The following CHD9 variants were observed in gnomAD, a reference collection of about 807,000 sequenced individuals.
CHD9 encodes the protein ATP-dependent chromatin remodeler CHD9.
Under a neutral mutation model 316.1 loss-of-function variants are expected in CHD9, and 77 were observed. The observed-to-expected ratio is 0.24, with a 90% CI of 0.20 to 0.29. The LOEUF (loss-of-function observed/expected upper bound fraction) is 0.29, where lower values mean the gene tolerates loss of function less well. Ranked by LOEUF, CHD9 falls within the 10% of genes least tolerant of loss-of-function variation. CHD9 has a pLI of 1.00. For missense variants in CHD9, 2,763 were observed against 3,438.1 expected, an observed-to-expected ratio of 0.80 and a Z score of 4.91; for synonymous variants, 1,129 against 1,158.3, an observed-to-expected ratio of 0.97 and a Z score of 0.51.
At chr16:53,094,009 T>C (rs1346115603) in intron 1 of CHD9, among the ~76,000 whole-genome samples, 1 of 152,166 alleles carries the variant, frequency 6.6e-6, no homozygotes, top group African/African-American at 2.4e-5. Context: ...GTGTCAGCCT[T>C]GGGGGCCTGG....
chr16:53,279,933 C>T (rs1466945028), intron 24 of CHD9, among the ~76,000 whole-genome samples: 4 of 152,114 alleles, frequency 2.6e-5, no homozygotes, highest in African/African-American at 7.2e-5. Flanking sequence ...TGCCCAATAT[C>T]GCTAATGATC....
At chr16:53,222,152 C>G (rs1429115736) in intron 3 of CHD9, among the ~76,000 whole-genome samples, 2 of 152,120 alleles carry the variant, frequency 1.3e-5, no homozygotes, top group East Asian at 1.9e-4. Flanking sequence ...TCTTGGCTCA[C>G]TGCAACCTCC....
chr16:53,091,002 C>CT (rs2035888020), intron 1 of CHD9, among the ~76,000 whole-genome samples: 1 of 77,100 alleles, frequency 1.3e-5, no homozygotes, highest in Non-Finnish European at 3.7e-5. Flanking sequence ...GAACAGCTCA[C>CT]CCCCCCCCGA....
Position 53,204,023 on chromosome 16 carries a change from CAAAAAA to C in CHD9, c.1453-5438_1453-5433del, listed in dbSNP as rs530552464. Reference sequence around the variant, plus strand: ...TGGGCGACAGAGCAAGACTCCATCTCAAAAAAAAAAAAAAAAAAAAAAAAAATATAT... The same window carrying C: ...TGGGCGACAGAGCAAGACTCCATCTCAAAAAAAAAAAAAAAAAAAATATAT... On this transcript the variant is annotated intron_variant, in intron 2 of 38. Transcript: ENST00000447540. Among the ~76,000 whole-genome samples the C allele has an allele frequency of 2.9e-3, 140 of 48,314 alleles. 4 individuals carry two copies. Among genetic ancestry groups the C allele is most frequent in the African/African-American group, 0.011 (133 of 11,634 alleles). The allele number at this position is 48,314 out of a possible 152,430, so 31.7% of individuals were successfully genotyped here. A position where few individuals can be genotyped will look rare whatever the true frequency, so the allele number is the denominator to read the frequency against.
intron 1 of CHD9, among the ~76,000 whole-genome samples, chr16:53,154,528 C>T (rs1479849156): frequency 2.6e-5 from 4 of 152,036 alleles, no homozygotes; most frequent in African/African-American, 9.7e-5. Context: ...CACCAGGGAC[C>T]GGTTTCGTGG....
chr16:53,063,400 AC>A (rs1369139336), intron 1 of CHD9, among the ~76,000 whole-genome samples: 1 of 150,190 alleles, frequency 6.7e-6, no homozygotes, highest in South Asian at 2.1e-4. Context: ...ACACACACAC[AC>A]AAAATGTGAA....
chr16:53,286,791 G>A (rs1171035889), intron 26 of CHD9, among the ~76,000 whole-genome samples: 5 of 152,054 alleles, frequency 3.3e-5, no homozygotes, highest in East Asian at 3.8e-4. Context: ...CATAGGATTT[G>A]CATTTAACCT....
At chr16:53,201,854 TTTG>T (rs1555507393) in intron 2 of CHD9, among the ~76,000 whole-genome samples, 12 of 151,656 alleles carry the variant, frequency 7.9e-5, no homozygotes, top group African/African-American at 9.7e-5. Flanking sequence ...GGTTTTTTTT[TTTG>T]TTGTTGTTGT....
chr16:53,225,326 T>C (rs1434770004), intron 4 of CHD9, among the ~76,000 whole-genome samples: 1 of 152,152 alleles, frequency 6.6e-6, no homozygotes, highest in Non-Finnish European at 1.5e-5. Flanking sequence ...TTGCCAAATA[T>C]TGAGCAATTG....
Position 53,242,829 on chromosome 16 carries a change from A to G in CHD9, c.2878-11A>G. On this transcript the variant is annotated splice_polypyrimidine_tract_variant and intron_variant, in intron 12 of 38. Transcript: ENST00000447540. ...ATATTCCAGCAAATAATTATATTTG[A>G]TCATTTCTAGGGGCGTATCATTCGA... The G allele has an allele frequency of 1.9e-6, 3 of 1,592,886 alleles. No homozygotes were observed. Among genetic ancestry groups the G allele is most frequent in the Non-Finnish European group, 2.6e-6 (3 of 1,171,202 alleles).
At chr16:53,266,381 G>C (rs1222583111) in intron 20 of CHD9, among the ~76,000 whole-genome samples, 1 of 152,052 alleles carries the variant, frequency 6.6e-6, no homozygotes, top group East Asian at 1.9e-4. Context: ...CCTACCATTT[G>C]TCCTCTCCTG....
intron 2 of CHD9, among the ~76,000 whole-genome samples, chr16:53,173,083 G>T (rs1328244155): frequency 6.6e-6 from 1 of 152,110 alleles, no homozygotes. Flanking sequence ...CCCAAGGTCA[G>T]TGAAGATTTT....
intron 12 of CHD9, 83 bp from the exon 13 acceptor site, chr16:53,242,755 CAG>C (rs1341010770): frequency 1.2e-5 from 14 of 1,185,758 alleles, no homozygotes; most frequent in Non-Finnish European, 1.7e-5. Flanking sequence ...TGTTTTATAA[CAG>C]ATGTTATCTG....
rs577563060 is a variant in CHD9, at chr16:53,318,613, C to T, written c.7713+273C>T. On this transcript the variant is annotated intron_variant, in intron 37 of 38. Transcript: ENST00000447540. ...ATTGTACACTTATACAAGGGCACGA[C>T]ATCAAAAACAGTCATTCTCATCGGG... Among the ~76,000 whole-genome samples, 5 of 152,318 alleles carry T rather than the reference C, an allele frequency of 3.3e-5. No individual in the cohort carries two copies. The South Asian group carries it at 8.3e-4, about 25-fold the overall frequency.
chr16:53,120,272 C>G (rs888468586), intron 1 of CHD9, among the ~76,000 whole-genome samples: 3 of 152,080 alleles, frequency 2.0e-5, no homozygotes, highest in Admixed American at 2.0e-4. Context: ...AAAAATTGCA[C>G]TAGGATGGGT....
intron 17 of CHD9, among the ~76,000 whole-genome samples, chr16:53,251,592 A>C (rs1374116079): frequency 1.3e-5 from 2 of 152,188 alleles, no homozygotes; most frequent in African/African-American, 4.8e-5. Context: ...AGTGCCCCCT[A>C]TATATTTTAA....
At chr16:53,109,211 GC>G (rs57238272) in intron 1 of CHD9, among the ~76,000 whole-genome samples, 4,685 of 152,254 alleles carry the variant, frequency 0.031, 250 homozygotes, top group African/African-American at 0.11. Context: ...GTGCATGGGG[GC>G]ACAGGAAAAA....
chr16:53,066,546 G>A (rs1406966111), intron 1 of CHD9, among the ~76,000 whole-genome samples: 1 of 152,210 alleles, frequency 6.6e-6, no homozygotes, highest in Admixed American at 6.5e-5. Flanking sequence ...AGCTCCTGGA[G>A]GAGAGGTGGC....
chr16:53,106,621 C>G (rs2037370660), intron 1 of CHD9, among the ~76,000 whole-genome samples: 1 of 151,508 alleles, frequency 6.6e-6, no homozygotes, highest in Non-Finnish European at 1.5e-5. Flanking sequence ...GGTTCATAAT[C>G]TAGTTAAAGA....
Sources: gnomAD v4.1 joint callset for allele counts (sites outside exome capture counted in the v4.1 genomes callset) on GRCh38, gnomAD v4.1.1 for gene constraint, MANE v1.5 for transcripts, NCBI Gene and HGNC (gene_info 2026-07-23, HGNC 2026-07-21) for gene names.